The following SLC9A2 variants were observed in gnomAD, a reference collection of about 807,000 sequenced individuals.
SLC9A2 encodes sodium/hydrogen exchanger 2.
In SLC9A2, 42 loss-of-function variants were observed where a neutral mutation model predicts 71.7. The observed-to-expected ratio is 0.59, with a 90% CI of 0.46 to 0.76. The LOEUF (loss-of-function observed/expected upper bound fraction) is 0.76. SLC9A2 is among the 30% of genes least tolerant of loss of function. SLC9A2 has a pLI of 0.00. For synonymous variants in SLC9A2, 396 were observed against 392.5 expected (o/e 1.01, Z -0.10); for missense variants, 829 against 1,017.4 (o/e 0.81, Z 2.52).
intron 3 of SLC9A2, among the ~76,000 whole-genome samples, chr2:102,680,829 T>A (rs1226597156): frequency 6.6e-6 from 1 of 151,816 alleles, no homozygotes; most frequent in Non-Finnish European, 1.5e-5. Flanking sequence ...AGAGCCCTTA[T>A]GAGAGGGCGT....
intron 1 of SLC9A2, among the ~76,000 whole-genome samples, chr2:102,635,504 T>C (rs1013229912): frequency 2.6e-5 from 4 of 152,254 alleles, no homozygotes; most frequent in African/African-American, 9.6e-5. Flanking sequence ...CCAGGTTTGC[T>C]TTCTTCTGAG....
intron 11 of SLC9A2, among the ~76,000 whole-genome samples, chr2:102,707,525 A>G (rs1678005690): frequency 6.6e-6 from 1 of 152,180 alleles, no homozygotes; most frequent in Non-Finnish European, 1.5e-5. Flanking sequence ...GTAGCACTCT[A>G]GCACCTGAAT....
At chr2:102,645,354 C>T (rs1344249256) in intron 1 of SLC9A2, among the ~76,000 whole-genome samples, 1 of 152,144 alleles carries the variant, frequency 6.6e-6, no homozygotes, top group African/African-American at 2.4e-5. Context: ...AAAACCAGTG[C>T]AGAAGGGCTG....
At chr2:102,622,741 A>C (rs1385825881) in intron 1 of SLC9A2, among the ~76,000 whole-genome samples, 2 of 152,084 alleles carry the variant, frequency 1.3e-5, no homozygotes, top group Non-Finnish European at 2.9e-5. Flanking sequence ...GCACTCCATC[A>C]CTCCATCCAT....
chr2:102,694,929 C>T (rs1271982880), intron 6 of SLC9A2, 114 bp from the exon 7 acceptor site: 4 of 828,390 alleles, frequency 4.8e-6, no homozygotes, highest in East Asian at 2.5e-5. Context: ...AAATAATAAA[C>T]AAATAAGAAG....
intron 5 of SLC9A2, among the ~76,000 whole-genome samples, chr2:102,691,572 G>A (rs1677663202): frequency 6.6e-6 from 1 of 152,208 alleles, no homozygotes; most frequent in African/African-American, 2.4e-5. Flanking sequence ...GGGAGAATAA[G>A]TAAGGCAGCT....
At chr2:102,681,125 G>T (rs753380305) in intron 3 of SLC9A2, among the ~76,000 whole-genome samples, 2 of 152,340 alleles carry the variant, frequency 1.3e-5, no homozygotes, top group African/African-American at 2.4e-5. Context: ...ATACAAACAG[G>T]CTTGTGCTTG....
chr2:102,651,367 C>T (rs1040575326), intron 1 of SLC9A2, among the ~76,000 whole-genome samples: 1 of 152,208 alleles, frequency 6.6e-6, no homozygotes, highest in Non-Finnish European at 1.5e-5. Context: ...TTCTGTCCCT[C>T]TGTCCTCATT....
chr2:102,673,021 G>A (rs1677284215), intron 3 of SLC9A2, among the ~76,000 whole-genome samples: 1 of 149,772 alleles, frequency 6.7e-6, no homozygotes, highest in Non-Finnish European at 1.5e-5. Context: ...GATTTCTGAT[G>A]GAGGCAAAAA....
At chr2:102,693,487 T>C (rs903880701) in intron 5 of SLC9A2, among the ~76,000 whole-genome samples, 1 of 152,240 alleles carries the variant, frequency 6.6e-6, no homozygotes, top group Non-Finnish European at 1.5e-5. Flanking sequence ...GCATATGTCT[T>C]TGTCACATTA....
intron 2 of SLC9A2, among the ~76,000 whole-genome samples, chr2:102,664,750 A>G (rs776457357): frequency 1.5e-4 from 23 of 152,194 alleles, no homozygotes; most frequent in Non-Finnish European, 2.9e-4. Context: ...CAATGGTAAC[A>G]TGAGCTGGGT....
At chr2:102,681,784 T>C (rs2104538266) in intron 3 of SLC9A2, among the ~76,000 whole-genome samples, 1 of 152,320 alleles carries the variant, frequency 6.6e-6, no homozygotes, top group Middle Eastern at 3.4e-3. Flanking sequence ...GGTCCTTAGA[T>C]TGATGAAGTC....
chr2:102,671,573 A>C (rs1677252550), intron 3 of SLC9A2, among the ~76,000 whole-genome samples: 1 of 152,200 alleles, frequency 6.6e-6, no homozygotes, highest in South Asian at 2.1e-4. Flanking sequence ...GAAATTATAA[A>C]CCTTAACCTA....
At position 102,701,085 on chromosome 2, in the gene SLC9A2, T is replaced by C; in HGVS notation, c.1602T>C (p.Asp534=). The C allele has an allele frequency of 6.2e-7, 1 of 1,601,392 alleles. No homozygotes were observed. Among genetic ancestry groups the C allele is most frequent in the Non-Finnish European group, 8.5e-7 (1 of 1,174,752 alleles). The change falls in exon 8 of 12, where the codon GAT becomes GAC. Residue 534 remains aspartate, a synonymous_variant. Coordinates refer to ENST00000233969, the MANE Select transcript of SLC9A2 (RefSeq NM_003048.6). ...NFWRDKFKKF[D]DKYLRKLLIR... is the part of the protein sequence containing the mutation. The stretch of plus-strand genomic sequence containing the variant: ...TTATTTACAGGTTTAAGAAGTTTGA[T>C]GATAAATATCTGCGGAAGCTTTTGA...
At chr2:102,622,070 A>C (rs2104493006) in intron 1 of SLC9A2, among the ~76,000 whole-genome samples, 1 of 152,308 alleles carries the variant, frequency 6.6e-6, no homozygotes, top group South Asian at 2.1e-4. Flanking sequence ...TCTGTAATTG[A>C]CTGGCTTTGA....
At position 102,698,389 on chromosome 2, in the gene SLC9A2, G is replaced by A. The variant is rs922900166; in HGVS notation, c.1587-2681G>A. Among the ~76,000 whole-genome samples, 33 of 152,216 alleles carry A rather than the reference G, an allele frequency of 2.2e-4. 1 individual carries two copies. Among genetic ancestry groups the A allele is most frequent in the African/African-American group, 6.0e-4 (25 of 41,452 alleles). ...ACCTCCTTGGGCTTGTGGTGATCAC[G>A]TAGTACACTTATTTCTTTCTCAACA... is the stretch of plus-strand genomic sequence containing the variant. On this transcript the variant is annotated intron_variant, in intron 7 of 11. Transcript: ENST00000233969.
intron 1 of SLC9A2, among the ~76,000 whole-genome samples, chr2:102,652,552 A>AT (rs1676854412): frequency 1.3e-5 from 2 of 151,976 alleles, no homozygotes; most frequent in South Asian, 4.2e-4. Context: ...TTCTGAATGA[A>AT]CCCTCACACC....
At chr2:102,640,653 C>T (rs924340880) in intron 1 of SLC9A2, among the ~76,000 whole-genome samples, 10 of 152,150 alleles carry the variant, frequency 6.6e-5, no homozygotes, top group Non-Finnish European at 1.3e-4. Context: ...CCAGCTCCAC[C>T]ACGTACCCAC....
Position 102,710,652 on chromosome 2 carries a change from T to G in SLC9A2, c.*2163T>G, listed in dbSNP as rs962344285. ...GAATGACAAAGGCAATAAAAATAAA[T>G]TTGACTTTAGCTTTTTTTCTATACT... is the stretch of plus-strand genomic sequence containing the variant. On this transcript the variant is annotated 3_prime_UTR_variant, in exon 12 of 12. Coordinates refer to ENST00000233969, the MANE Select transcript of SLC9A2 (RefSeq NM_003048.6). The G allele has an allele frequency of 5.2e-4, 79 of 152,398 alleles. No homozygotes were observed. The highest frequency in any genetic ancestry group is 1.9e-3 in the African/African-American group (77 of 41,580). The allele number at this position is 152,398 out of a possible 1,614,324, so 9.4% of individuals were successfully genotyped here.
Sources: allele counts gnomAD v4.1 joint callset (sites outside exome capture counted in the v4.1 genomes callset), GRCh38; gene constraint gnomAD v4.1.1; transcripts MANE v1.5; gene names NCBI Gene and HGNC (gene_info 2026-07-23, HGNC 2026-07-21).